The following DIAPH2 variants were observed in gnomAD, a reference collection of about 807,000 sequenced individuals.
DIAPH2 encodes the protein protein diaphanous homolog 2.
A neutral mutation model predicts 92.7 loss-of-function variants in DIAPH2; 35 were observed. That is an observed-to-expected ratio of 0.38 (90% CI 0.29 to 0.50). The LOEUF is 0.50. Among genes scored for constraint, DIAPH2 ranks in the 20% least tolerant of loss-of-function variants. The pLI is 0.94. For missense variants in DIAPH2, 701 were observed against 819.5 expected (o/e 0.86, Z 1.77); for synonymous variants, 301 against 280.4 (o/e 1.07, Z -0.73).
chrX:97,141,889 TTTTG>T, intron 22 of DIAPH2, 95 bp downstream of exon 22: 1 of 962,975 alleles, frequency 1.0e-6, no homozygotes, highest in African/African-American at 2.0e-5. Flanking sequence ...TAAAAGTATT[TTTTG>T]TTTGTTTACT....
At chrX:96,760,949 C>T (rs969821173) in intron 4 of DIAPH2, among the ~76,000 whole-genome samples, 2 of 111,010 alleles carry the variant, frequency 1.8e-5, no homozygotes, top group African/African-American at 6.5e-5. Context: ...TTGTAGGAAG[C>T]GTAGTTATGG....
intron 4 of DIAPH2, among the ~76,000 whole-genome samples, chrX:96,793,796 A>G (rs3135399): frequency 0.42 from 46,299 of 110,653 alleles, 8,254 homozygotes; most frequent in African/African-American, 0.7. Flanking sequence ...GGGGACATAA[A>G]CATAGTCCAT....
intron 4 of DIAPH2, among the ~76,000 whole-genome samples, chrX:96,794,620 C>A (rs2064525421): frequency 9.0e-6 from 1 of 110,737 alleles, no homozygotes; most frequent in Non-Finnish European, 1.9e-5. Flanking sequence ...GCATCATTAA[C>A]TGAAGTTAAA....
intron 26 of DIAPH2, among the ~76,000 whole-genome samples, chrX:97,458,797 C>T (rs1201768916): frequency 8.9e-6 from 1 of 111,812 alleles, no homozygotes; most frequent in Non-Finnish European, 1.9e-5. Flanking sequence ...CATGAAGGTA[C>T]ATTTCATATA....
intron 26 of DIAPH2, among the ~76,000 whole-genome samples, chrX:97,584,578 A>G (rs376626815): frequency 8.9e-6 from 1 of 111,805 alleles, no homozygotes; most frequent in Non-Finnish European, 1.9e-5. Flanking sequence ...AGGCTGAACA[A>G]AGTGGTACTA....
rs59772699 is a variant in DIAPH2 at position 97,257,957 on chromosome X, T to TAA, written c.2844+10140_2844+10141dup. ...TCCCCCAAGGAAAATGTTCTTTGTT[T>TAA]AAAAAAAAAAAAAAAAAAAAAAAGG... On this transcript the variant is annotated intron_variant, in intron 23 of 26. Coordinates refer to ENST00000324765, the MANE Select transcript of DIAPH2 (RefSeq NM_006729.5). Among the ~76,000 whole-genome samples, 56 of 92,380 alleles carry TAA rather than the reference T, an allele frequency of 6.1e-4. 1 individual carries two copies. The highest frequency in any genetic ancestry group is 2.4e-3 in the African/African-American group (51 of 21,208). 80.2% of individuals were successfully genotyped at this position (92,380 alleles called of 115,157 possible). A position where few individuals can be genotyped will look rare whatever the true frequency, so the allele number is the denominator to read the frequency against.
intron 23 of DIAPH2, among the ~76,000 whole-genome samples, chrX:97,286,819 C>G (rs1216512638): frequency 1.8e-5 from 2 of 110,974 alleles, no homozygotes; most frequent in Non-Finnish European, 3.8e-5. Context: ...ACCCAGATAC[C>G]CCTCTTCTGG....
At chrX:96,703,681 C>T (rs1264848708) in intron 1 of DIAPH2, among the ~76,000 whole-genome samples, 2 of 111,701 alleles carry the variant, frequency 1.8e-5, no homozygotes, top group East Asian at 5.6e-4. Context: ...CCAAGAGAAG[C>T]TGCAAGATTT....
chrX:96,978,216 C>A (rs959925886), intron 17 of DIAPH2, among the ~76,000 whole-genome samples: 1 of 111,583 alleles, frequency 9.0e-6, no homozygotes, highest in Non-Finnish European at 1.9e-5. Flanking sequence ...CTGAAGCATT[C>A]TATACAGGTA....
intron 26 of DIAPH2, among the ~76,000 whole-genome samples, chrX:97,536,053 C>G (rs776931693): frequency 9.6e-4 from 107 of 111,655 alleles, no homozygotes; most frequent in African/African-American, 3.2e-3. Context: ...GGATACCACA[C>G]AAAGGGAACA....
intron 26 of DIAPH2, among the ~76,000 whole-genome samples, chrX:97,457,718 A>T (rs775689735): frequency 3.6e-5 from 4 of 111,965 alleles, no homozygotes; most frequent in African/African-American, 1.3e-4. Context: ...CCCAAAATAC[A>T]TATGTTGAAA....
intron 9 of DIAPH2, among the ~76,000 whole-genome samples, chrX:96,926,121 C>T (rs1354459727): frequency 9.0e-6 from 1 of 111,030 alleles, no homozygotes; most frequent in East Asian, 2.8e-4. Flanking sequence ...TCTGAGAATG[C>T]CCTGGAGTTG....
intron 17 of DIAPH2, among the ~76,000 whole-genome samples, chrX:97,048,452 T>G (rs1362122719): frequency 8.9e-6 from 1 of 111,847 alleles, no homozygotes; most frequent in Non-Finnish European, 1.9e-5. Context: ...CTGGAGGTAC[T>G]CACTATCTGT....
intron 22 of DIAPH2, 68 bp from the exon 23 acceptor site, chrX:97,247,647 G>T: frequency 9.8e-7 from 1 of 1,020,246 alleles, no homozygotes; most frequent in Non-Finnish European, 1.3e-6. Flanking sequence ...AACTGATAAT[G>T]TCTCCTTTTA....
chrX:96,882,978 A>AAAAAAC (rs1569419396), intron 5 of DIAPH2, among the ~76,000 whole-genome samples: 1 of 52,634 alleles, frequency 1.9e-5, no homozygotes, highest in Non-Finnish European at 5.9e-5. Context: ...AAAAAAAAAA[A>AAAAAAC]AAAAACAAAA....
Position 97,602,533 on chromosome X carries a change from A to AATC in DIAPH2, c.*3219_*3221dup, listed in dbSNP as rs2071601933. On this transcript the variant is annotated 3_prime_UTR_variant, in exon 27 of 27. Coordinates refer to ENST00000324765, the MANE Select transcript of DIAPH2 (RefSeq NM_006729.5). ...AAATTGGAATGGAGTCTCCTGTCCC[A>AATC]ATCATTTTCAAAATCTAGCCAGGCA... 8.9e-6 allele frequency: 1 copy of AATC among 112,621 alleles called. No homozygotes were observed. Among genetic ancestry groups the AATC allele is most frequent in the Non-Finnish European group, 1.9e-5 (1 of 53,330 alleles). 9.3% of individuals were successfully genotyped at this position (112,621 alleles called of 1,213,427 possible).
intron 19 of DIAPH2, among the ~76,000 whole-genome samples, chrX:97,088,900 C>G (rs2066803084): frequency 9.0e-6 from 1 of 111,373 alleles, no homozygotes; most frequent in Admixed American, 9.6e-5. Flanking sequence ...CGGGTTTCAT[C>G]TGCCTATTTT....
intron 26 of DIAPH2, among the ~76,000 whole-genome samples, chrX:97,444,588 G>A (rs191834606): frequency 1.8e-5 from 2 of 111,446 alleles, no homozygotes; most frequent in African/African-American, 6.5e-5. Flanking sequence ...AGGAATGTTT[G>A]TATCAGGAGG....
intron 26 of DIAPH2, among the ~76,000 whole-genome samples, chrX:97,457,366 T>TCATTATTATGAATCAAC (rs1477070734): frequency 2.7e-5 from 3 of 112,924 alleles, no homozygotes; most frequent in Non-Finnish European, 3.7e-5. Flanking sequence ...CAAAGTTGAT[T>TCATTATTATGAATCAAC]CATTATTATG....
Sources: allele counts gnomAD v4.1 joint callset (sites outside exome capture counted in the v4.1 genomes callset), GRCh38; gene constraint gnomAD v4.1.1; transcripts MANE v1.5; gene names NCBI Gene and HGNC (gene_info 2026-07-23, HGNC 2026-07-21).